The following XNDC1N variants were observed in gnomAD, a reference collection of about 807,000 sequenced individuals.
XNDC1N encodes the protein protein XNDC1N.
the XNDC1N span, chr11:71,916,592 A>ATATATTGG: frequency 3.3e-5 from 8 of 239,910 alleles, no homozygotes; most frequent in Admixed American, 2.4e-4. Flanking sequence ...CCAGTGGATT[A>ATATATTGG]CCTGAGATAT....
chr11:71,889,552 C>A, the XNDC1N span, among the ~76,000 whole-genome samples: 1 of 152,298 alleles, frequency 6.6e-6, no homozygotes, highest in African/African-American at 2.4e-5. Context: ...AGTAGCTGTG[C>A]CACAGCTGCT....
At chr11:71,919,612 T>TTG in the XNDC1N span, among the ~76,000 whole-genome samples, 65 of 14,688 alleles carry the variant, frequency 4.4e-3, 1 homozygote, top group African/African-American at 6.3e-3. Context: ...TTGGTTTTTT[T>TTG]TTTTGTTTGT....
At chr11:71,895,155 A>G in the XNDC1N span, among the ~76,000 whole-genome samples, 1 of 151,864 alleles carries the variant, frequency 6.6e-6, no homozygotes, top group East Asian at 1.9e-4. Context: ...GGTGGTTCCA[A>G]TAATGAAGTT....
the XNDC1N span, among the ~76,000 whole-genome samples, chr11:71,905,497 C>T: frequency 3.3e-5 from 5 of 151,878 alleles, no homozygotes; most frequent in East Asian, 1.9e-4. Flanking sequence ...TAGGATATTT[C>T]GAATGATGTC....
chr11:71,909,695 C>T, the XNDC1N span, among the ~76,000 whole-genome samples: 1 of 152,196 alleles, frequency 6.6e-6, no homozygotes, highest in South Asian at 2.1e-4. Flanking sequence ...GTCATCGGAG[C>T]CACGGGGGTT....
At chr11:71,894,074 A>G in the XNDC1N span, 6 of 514,730 alleles carry the variant, frequency 1.2e-5, no homozygotes, top group Non-Finnish European at 1.7e-5. Flanking sequence ...ATGCATTTCC[A>G]TAATACTATG....
chr11:71,895,437 G>C, the XNDC1N span, among the ~76,000 whole-genome samples: 12 of 148,900 alleles, frequency 8.1e-5, no homozygotes, highest in East Asian at 2.4e-3. Context: ...AGCCTTCCAA[G>C]TAGCTGGGAT....
the XNDC1N span, among the ~76,000 whole-genome samples, chr11:71,895,937 C>A: frequency 5.0e-3 from 759 of 152,228 alleles, 8 homozygotes; most frequent in African/African-American, 0.018. Context: ...AGAAGCCAGG[C>A]ACAGAATGAC....
chr11:71,926,539 T>C, the XNDC1N span, among the ~76,000 whole-genome samples: 1 of 152,224 alleles, frequency 6.6e-6, no homozygotes, highest in African/African-American at 2.4e-5. Context: ...TAATAAATGA[T>C]GTTCAGGAAA....
At chr11:71,909,583 A>G in the XNDC1N span, among the ~76,000 whole-genome samples, 733 of 152,324 alleles carry the variant, frequency 4.8e-3, 11 homozygotes, top group African/African-American at 0.017. Context: ...TCTGGTCAGA[A>G]TGATAGTCAG....
At chr11:71,917,647 C>T in the XNDC1N span, 6 of 703,378 alleles carry the variant, frequency 8.5e-6, no homozygotes, top group Admixed American at 2.0e-5. Context: ...GACCCCGGAG[C>T]GGTTCTTCCC....
the XNDC1N span, among the ~76,000 whole-genome samples, chr11:71,898,026 T>C: frequency 2.4e-4 from 37 of 151,482 alleles, 2 homozygotes; most frequent in Non-Finnish European, 1.9e-4. Flanking sequence ...CTACTGAAAA[T>C]GCAAAAAATG....
the XNDC1N span, among the ~76,000 whole-genome samples, chr11:71,900,463 G>A: frequency 2.0e-5 from 3 of 151,986 alleles, no homozygotes; most frequent in African/African-American, 7.3e-5. Flanking sequence ...TGGACAGATG[G>A]GAGGAGACCA....
the XNDC1N span, among the ~76,000 whole-genome samples, chr11:71,906,155 C>T: frequency 6.6e-6 from 1 of 151,944 alleles, no homozygotes; most frequent in Non-Finnish European, 1.5e-5. Context: ...TGACATCCCC[C>T]TGGAGGAGTA....
chr11:71,888,118 TG>T, the XNDC1N span, among the ~76,000 whole-genome samples: 2 of 149,724 alleles, frequency 1.3e-5, no homozygotes, highest in Non-Finnish European at 3.0e-5. Flanking sequence ...CCACGGCAGT[TG>T]GGTGTGCCAA....
At chr11:71,912,190 CG>C in the XNDC1N span, among the ~76,000 whole-genome samples, 1 of 152,180 alleles carries the variant, frequency 6.6e-6, no homozygotes, top group Admixed American at 6.5e-5. Flanking sequence ...AAGGTCCAGC[CG>C]TTCCGCCCGG....
the XNDC1N span, among the ~76,000 whole-genome samples, chr11:71,891,692 A>G: frequency 6.6e-6 from 1 of 151,956 alleles, no homozygotes; most frequent in Non-Finnish European, 1.5e-5. Context: ...GAGTAATATC[A>G]TCCTCTATTT....
the XNDC1N span, among the ~76,000 whole-genome samples, chr11:71,900,560 C>T: frequency 7.9e-5 from 12 of 152,256 alleles, no homozygotes; most frequent in South Asian, 4.1e-4. Flanking sequence ...AAATTTTGCT[C>T]TCCTCCCCCA....
At chr11:71,928,411 C>A in the XNDC1N span, 31 of 698,106 alleles carry the variant, frequency 4.4e-5, 1 homozygote, top group South Asian at 4.6e-4. Flanking sequence ...GGATCTCGGA[C>A]CACCAAACCT....
Sources: gnomAD v4.1 joint callset for allele counts (sites outside exome capture counted in the v4.1 genomes callset) on GRCh38, gnomAD v4.1.1 for gene constraint, MANE v1.5 for transcripts, NCBI Gene and HGNC (gene_info 2026-07-23, HGNC 2026-07-21) for gene names.